LRRK2: variants seen among roughly 807,000 people sequenced by gnomAD.
LRRK2 encodes leucine-rich repeat serine/threonine-protein kinase 2.
LRRK2 carries 203 observed loss-of-function variants against 302.6 expected under a neutral mutation model. The ratio of observed to expected loss-of-function variants is 0.67; its 90% CI spans 0.60 to 0.75. The LOEUF is 0.75. Ranked by LOEUF, LRRK2 falls within the 30% of genes least tolerant of loss-of-function variation. LRRK2 has a pLI of 0.00. For synonymous variants in LRRK2, 1,066 were observed against 1,031.9 expected, an observed-to-expected ratio of 1.03 and a Z score of -0.63; for missense variants, 2,830 against 2,951.0, an observed-to-expected ratio of 0.96 and a Z score of 0.95.
In LRRK2 at chr12:40,295,454, G is replaced by A. The variant is rs200577947; in HGVS notation, c.2906G>A (p.Arg969Lys). 2.2e-5 allele frequency: 35 copies of A among 1,613,134 alleles called. 1 individual carries two copies. The highest frequency in any genetic ancestry group is 2.7e-5 in the Non-Finnish European group (32 of 1,179,914). The change falls in exon 23 of 51, where the codon AGG becomes AAG. Residue 969 changes from arginine (R) to lysine (K), a missense_variant. Arg to Lys is a conservative substitution (Grantham distance 26, BLOSUM62 2). Transcript: ENST00000298910. ...TCATCAAAACTTCAATCCCATATGA[G>A]GCATTCAGACAGCATTTCTTCTCTG... ...LRSSKLQSHM[R>K]HSDSISSLAS...
chr12:40,225,470 CT>C (rs779269109), intron 1 of LRRK2, 84 bp from the exon 2 acceptor site: 525 of 1,359,308 alleles, frequency 3.9e-4, no homozygotes, highest in Non-Finnish European at 5.2e-4. Flanking sequence ...ACCTTTTTGA[CT>C]TTTCTCCCCG....
At chr12:40,366,219 C>T (rs1020514199) in intron 49 of LRRK2, 11 of 151,838 alleles carry the variant, frequency 7.2e-5, no homozygotes, top group Non-Finnish European at 1.6e-4. Flanking sequence ...TATATTTTGC[C>T]TCAGGGATTT....
At chr12:40,306,796 T>A (rs1565735658) in intron 28 of LRRK2, among the ~76,000 whole-genome samples, 1 of 152,186 alleles carries the variant, frequency 6.6e-6, no homozygotes, top group South Asian at 2.1e-4. Flanking sequence ...CTAAAATCTC[T>A]TAAATTTATA....
At chr12:40,350,235 C>T (rs542673686) in intron 43 of LRRK2, among the ~76,000 whole-genome samples, 2 of 152,240 alleles carry the variant, frequency 1.3e-5, no homozygotes, top group South Asian at 4.1e-4. Context: ...CCCTAGACTC[C>T]AACTTCTCTC....
chr12:40,338,928 C>G (rs1427273), intron 40 of LRRK2, among the ~76,000 whole-genome samples: 116,821 of 152,106 alleles, frequency 0.77, 45,712 homozygotes, highest in Non-Finnish European at 0.86. Context: ...AAGCCCATTA[C>G]TTACTGTGAA....
At position 40,277,804 on chromosome 12, in the gene LRRK2, A is replaced by G. The variant is rs186613748; in HGVS notation, c.1942-84A>G. On this transcript the variant is annotated intron_variant, in intron 16 of 50. Transcript: ENST00000298910. The stretch of plus-strand genomic sequence containing the variant: ...AAATGAACATCCTAGGTATTGTTTC[A>G]TATACAAACTCTCTCTGCTTTATAC... 4 of 1,274,058 alleles carry G rather than the reference A, an allele frequency of 3.1e-6. No homozygotes were observed. The East Asian group carries it at 1.0e-4, about 32-fold the overall frequency. 78.9% of individuals were successfully genotyped at this position (1,274,058 alleles called of 1,614,324 possible).
rs1380660214 is a variant in LRRK2, at chr12:40,308,585, T to C, written c.4078T>C (p.Ser1360Pro). ...GCAGCAATTAATGAAAACCAAGAAA[T>C]CAGATCTTGGAATGCAAAGTGCCAC... ...LLQQLMKTKKSDLGMQSATVG... is the reference protein window; with the variant it reads ...LLQQLMKTKKPDLGMQSATVG... Residue 1360 changes from serine to proline, a missense_variant, in exon 29 of 51, where the codon TCA (serine) becomes CCA (proline). By Grantham distance (74) the Ser-to-Pro change is moderately conservative (BLOSUM62 -1). This residue lies in a region of LRRK2 where 2,121 missense variants were observed against 2,148.0 expected (regional missense o/e 0.99). Transcript: ENST00000298910. 1 of 1,613,958 alleles carries C rather than the reference T, an allele frequency of 6.2e-7. No individual in the cohort carries two copies. Among genetic ancestry groups the C allele is most frequent in the Admixed American group, 1.7e-5 (1 of 60,004 alleles).
intron 19 of LRRK2, among the ~76,000 whole-genome samples, chr12:40,285,887 G>A (rs1198852867): frequency 6.6e-6 from 1 of 152,002 alleles, no homozygotes; most frequent in Non-Finnish European, 1.5e-5. Context: ...AGTTATAAAA[G>A]TTTGAATATG....
At position 40,249,872 on chromosome 12, in the gene LRRK2, G is replaced by A. The variant is rs768031294; in HGVS notation, c.885G>A (p.Val295=). ...ILVLNEVHEF[V]VKAVQQYPEN... ...TATTAAACGAAGTCCATGAGTTTGT[G>A]GTGAAAGCTGTGCAGCAGTACCCAG... Residue 295 remains valine, a synonymous_variant, in exon 8 of 51, where the codon GTG becomes GTA. Coordinates refer to ENST00000298910, the MANE Select transcript of LRRK2 (RefSeq NM_198578.4). 5 of 1,613,866 alleles carry A rather than the reference G, an allele frequency of 3.1e-6. No homozygotes were observed. The highest frequency in any genetic ancestry group is 4.2e-6 in the Non-Finnish European group (5 of 1,179,848).
intron 34 of LRRK2, among the ~76,000 whole-genome samples, chr12:40,320,723 T>C (rs1945377471): frequency 6.6e-6 from 1 of 152,056 alleles, no homozygotes; most frequent in Non-Finnish European, 1.5e-5. Context: ...ACACTTTTTT[T>C]CTAGGACATG....
chr12:40,350,762 C>G (rs1287657513), intron 43 of LRRK2, among the ~76,000 whole-genome samples: 3 of 151,952 alleles, frequency 2.0e-5, no homozygotes, highest in South Asian at 2.1e-4. Flanking sequence ...ATATTTATGT[C>G]CACAGTAAAA....
intron 11 of LRRK2, among the ~76,000 whole-genome samples, 200 bp from the exon 12 acceptor site, chr12:40,257,048 A>G (rs1158586779): frequency 6.6e-6 from 1 of 152,236 alleles, no homozygotes; most frequent in Non-Finnish European, 1.5e-5. Flanking sequence ...AAGGGTTAAT[A>G]AAGGCAAAAA....
Position 40,335,011 on chromosome 12 carries a change from T to C in LRRK2, c.5802T>C (p.Ser1934=), listed in dbSNP as rs1945826154. Residue 1934 remains serine (S), a synonymous_variant, in exon 40 of 51, where the codon TCT becomes TCC. Transcript: ENST00000298910. The part of the protein sequence containing the change: ...LCHLHHPSLI[S]LLAAGIRPRM... ...ACCTCCACCACCCCAGTTTGATATC[T>C]TTGCTGGCAGCTGGGATTCGTCCCC... 2 of 1,614,110 alleles carry C rather than the reference T, an allele frequency of 1.2e-6. No individual in the cohort carries two copies. The highest frequency in any genetic ancestry group is 1.7e-6 in the Non-Finnish European group (2 of 1,179,990).
At chr12:40,294,750 A>G in intron 21 of LRRK2, 95 bp from the exon 22 acceptor site, 2 of 707,224 alleles carry the variant, frequency 2.8e-6, no homozygotes, top group South Asian at 1.7e-5. Context: ...TATAAATACC[A>G]TTAACCCTAT....
Position 40,335,174 on chromosome 12 carries a change from G to A in LRRK2, c.5948+17G>A. The A allele has an allele frequency of 6.2e-7, 1 of 1,613,610 alleles. No homozygotes were observed. The highest frequency in any genetic ancestry group is 8.5e-7 in the Non-Finnish European group (1 of 1,179,712). On this transcript the variant is annotated intron_variant, in intron 40 of 50. Transcript: ENST00000298910. ...TGGTTTGAGGTAAGTAGGTCATGTT[G>A]TTTTCTATTCAGTGCATGACAAGTG...
chr12:40,356,849 T>A (rs1946555075), intron 46 of LRRK2, among the ~76,000 whole-genome samples: 1 of 152,252 alleles, frequency 6.6e-6, no homozygotes, highest in East Asian at 1.9e-4. Context: ...ATTTATGGGG[T>A]ACATGTGATA....
At chr12:40,322,216 C>T (rs1945423596) in intron 36 of LRRK2, 35 bp downstream of exon 36, 1 of 1,579,968 alleles carries the variant, frequency 6.3e-7, no homozygotes. Context: ...TCAATTGCAA[C>T]ACTAAAGAAA....
At chr12:40,271,709 T>C (rs184312996) in intron 14 of LRRK2, among the ~76,000 whole-genome samples, 2 of 152,252 alleles carry the variant, frequency 1.3e-5, no homozygotes, top group East Asian at 1.9e-4. Context: ...TATGTATATA[T>C]AAATATTAAT....
Position 40,305,791 on chromosome 12 carries a change from C to T in LRRK2, c.3784C>T (p.Pro1262Ser), listed in dbSNP as rs4640000. Residue 1262 changes from proline (P) to serine (S), a missense_variant, in exon 28 of 51, where the codon CCT (proline) becomes TCT (serine). Transcript: ENST00000298910. ...CCTTTTTTTTCCCATTAAGATTCCTCCTGAGATTGGCTGTCTTGAAAATCT... is the reference window on the plus strand; with the variant it reads ...CCTTTTTTTTCCCATTAAGATTCCTTCTGAGATTGGCTGTCTTGAAAATCT... Reference protein sequence around the residue: ...LSHNKLKEIPPEIGCLENLTS... With the variant: ...LSHNKLKEIPSEIGCLENLTS... 1 of 1,613,464 alleles carries T rather than the reference C, an allele frequency of 6.2e-7. No individual in the cohort carries two copies. The highest frequency in any genetic ancestry group is 2.2e-5 in the East Asian group (1 of 44,832).
Sources: gnomAD v4.1 joint callset for allele counts (sites outside exome capture counted in the v4.1 genomes callset) on GRCh38, gnomAD v4.1.1 for gene constraint, gnomAD v4.1.1 regional missense constraint, MANE v1.5 for transcripts, NCBI Gene and HGNC (gene_info 2026-07-23, HGNC 2026-07-21) for gene names.